CNTNAP2: variants seen among roughly 807,000 people sequenced by gnomAD.
CNTNAP2 encodes contactin associated protein 2, also known as contactin-associated protein-like 2.
In CNTNAP2, 98 loss-of-function variants were observed where a neutral mutation model predicts 155.2. The ratio of observed to expected loss-of-function variants is 0.63; its 90% confidence interval spans 0.54 to 0.75. CNTNAP2 has a LOEUF of 0.75. Ranked by LOEUF, CNTNAP2 falls within the 30% of genes least tolerant of loss-of-function variation. The pLI is 0.00. For synonymous variants in CNTNAP2, 651 were observed against 631.2 expected (o/e 1.03, Z -0.47); for missense variants, 1,727 against 1,688.1 (o/e 1.02, Z -0.40).
intron 11 of CNTNAP2, among the ~76,000 whole-genome samples, chr7:147,493,524 G>A (rs1252968614): frequency 1.3e-5 from 2 of 152,134 alleles, no homozygotes; most frequent in Admixed American, 6.5e-5. Flanking sequence ...ATTGAGAGCT[G>A]ACTCCATTCC....
At chr7:147,656,642 T>A (rs200697803) in intron 13 of CNTNAP2, among the ~76,000 whole-genome samples, 1 of 152,068 alleles carries the variant, frequency 6.6e-6, no homozygotes, top group African/African-American at 2.4e-5. Flanking sequence ...ATGACAATAG[T>A]AACGTCAAAG....
chr7:147,856,144 C>A (rs1799033954), intron 13 of CNTNAP2, among the ~76,000 whole-genome samples: 1 of 152,106 alleles, frequency 6.6e-6, no homozygotes, highest in Non-Finnish European at 1.5e-5. Flanking sequence ...AGTTCTTCAA[C>A]CGGCCGACCC....
At chr7:146,563,087 T>G (rs559263512) in intron 1 of CNTNAP2, among the ~76,000 whole-genome samples, 3 of 152,170 alleles carry the variant, frequency 2.0e-5, no homozygotes, top group African/African-American at 7.2e-5. Context: ...ATCATTCTTA[T>G]GTGACTCTAA....
At chr7:148,277,317 G>T (rs944128252) in intron 21 of CNTNAP2, among the ~76,000 whole-genome samples, 1 of 152,022 alleles carries the variant, frequency 6.6e-6, no homozygotes, top group African/African-American at 2.4e-5. Flanking sequence ...TTTGACTCAG[G>T]CAGTGTTCCC....
intron 15 of CNTNAP2, among the ~76,000 whole-genome samples, chr7:148,061,706 G>T (rs1319402750): frequency 6.6e-6 from 1 of 151,866 alleles, no homozygotes; most frequent in African/African-American, 2.4e-5. Context: ...AACCAGAATG[G>T]GGGAGGAAAT....
At chr7:146,429,368 A>G (rs568618803) in intron 1 of CNTNAP2, among the ~76,000 whole-genome samples, 16 of 152,210 alleles carry the variant, frequency 1.1e-4, no homozygotes, top group Admixed American at 7.2e-4. Flanking sequence ...ATGAGCATGA[A>G]GTGTTTTTCC....
chr7:148,255,614 G>A (rs1016602268), intron 20 of CNTNAP2, among the ~76,000 whole-genome samples: 3 of 152,002 alleles, frequency 2.0e-5, no homozygotes, highest in Non-Finnish European at 4.4e-5. Flanking sequence ...TCTTTTAATT[G>A]CATCAATATG....
At chr7:147,441,330 A>C (rs555129224) in intron 10 of CNTNAP2, among the ~76,000 whole-genome samples, 89 of 152,098 alleles carry the variant, frequency 5.9e-4, no homozygotes, top group African/African-American at 2.0e-3. Context: ...CTTGTTGTTA[A>C]ATTTATCTGA....
At chr7:147,808,617 A>G (rs1024365902) in intron 13 of CNTNAP2, among the ~76,000 whole-genome samples, 5 of 152,116 alleles carry the variant, frequency 3.3e-5, no homozygotes, top group Admixed American at 2.0e-4. Flanking sequence ...TTTGCCTCCA[A>G]TGTTACTTCT....
At chr7:147,562,056 A>G (rs1800073820) in intron 11 of CNTNAP2, 82 bp from the exon 12 acceptor site, 1 of 1,574,882 alleles carries the variant, frequency 6.3e-7, no homozygotes, top group African/African-American at 1.3e-5. Flanking sequence ...GTTTGCTAGC[A>G]TTGCAATATG....
At chr7:147,876,368 A>G (rs548686931) in intron 13 of CNTNAP2, among the ~76,000 whole-genome samples, 2 of 152,294 alleles carry the variant, frequency 1.3e-5, no homozygotes, top group Admixed American at 6.5e-5. Context: ...TCAAAAGCAG[A>G]GGAGAAAAAC....
rs114773841 is a variant in CNTNAP2 at position 147,410,111 on chromosome 7, T to C, written c.1670+14331T>C. ...GAAAGACAATCCATGCAGACATTCA[T>C]TGCAGCCCTATTCACAATAGCAAAG... On this transcript the variant is annotated intron_variant, in intron 10 of 23. Coordinates refer to ENST00000361727, the MANE Select transcript of CNTNAP2 (RefSeq NM_014141.6). Among the ~76,000 whole-genome samples, 1,013 of 152,324 alleles carry C rather than the reference T, an allele frequency of 6.7e-3. 12 individuals are homozygous for C. Among genetic ancestry groups the C allele is most frequent in the African/African-American group, 0.023 (951 of 41,570 alleles).
At chr7:146,622,069 G>T (rs1320973014) in intron 1 of CNTNAP2, among the ~76,000 whole-genome samples, 1 of 151,684 alleles carries the variant, frequency 6.6e-6, no homozygotes, top group East Asian at 1.9e-4. Flanking sequence ...TCACTACAGA[G>T]TTTTTGAAAA....
intron 13 of CNTNAP2, among the ~76,000 whole-genome samples, chr7:147,775,392 A>T (rs1264358855): frequency 3.2e-5 from 3 of 93,220 alleles, no homozygotes; most frequent in East Asian, 2.6e-4. Flanking sequence ...TATATTTATA[A>T]ATATATATAT....
intron 12 of CNTNAP2, among the ~76,000 whole-genome samples, chr7:147,570,194 G>A (rs554002739): frequency 2.2e-4 from 33 of 152,100 alleles, no homozygotes; most frequent in Non-Finnish European, 4.6e-4. Context: ...ATGTAAAGAA[G>A]CCCGGTCCCA....
At chr7:146,304,270 G>T (rs150461230) in intron 1 of CNTNAP2, among the ~76,000 whole-genome samples, 12,955 of 151,904 alleles carry the variant, frequency 0.085, 1,567 homozygotes, top group African/African-American at 0.27. Flanking sequence ...GCAATTTACA[G>T]TTAAGGTTAA....
chr7:146,213,076 G>A (rs887260891), intron 1 of CNTNAP2, among the ~76,000 whole-genome samples: 3 of 152,122 alleles, frequency 2.0e-5, no homozygotes, highest in Non-Finnish European at 4.4e-5. Context: ...ATCAACGACT[G>A]GGGAGTAGTT....
At chr7:147,940,081 T>G (rs968287264) in intron 14 of CNTNAP2, 15 of 151,834 alleles carry the variant, frequency 9.9e-5, no homozygotes, top group Non-Finnish European at 2.1e-4. Context: ...AGCCCAGGAG[T>G]TCTGCGTGGT....
Position 147,231,913 on chromosome 7 carries a change from T to C in CNTNAP2, c.1349-68228T>C, listed in dbSNP as rs2116619183. ...TTGTTAATTGATTTTTGTTTTTGTT[T>C]GTGATTTTTGCTGTGTGGATACTTT... On this transcript the variant is annotated intron_variant, in intron 8 of 23. Transcript: ENST00000361727. 2.0e-5 allele frequency among the ~76,000 whole-genome samples: 3 copies of C among 152,356 alleles called. No homozygotes were observed. In the South Asian group the frequency reaches 6.2e-4, roughly 32 times the overall value.
Sources: gnomAD v4.1 joint callset for allele counts (sites outside exome capture counted in the v4.1 genomes callset) on GRCh38, gnomAD v4.1.1 for gene constraint, MANE v1.5 for transcripts, NCBI Gene and HGNC (gene_info 2026-07-23, HGNC 2026-07-21) for gene names.